The following CRACD variants were observed in gnomAD, a reference collection of about 807,000 sequenced individuals.
CRACD encodes the protein capping protein inhibiting regulator of actin dynamics.
In CRACD, 56 loss-of-function variants were observed where a neutral mutation model predicts 106.8. The ratio of observed to expected loss-of-function variants is 0.52; its 90% CI spans 0.42 to 0.66. The LOEUF is 0.66. Ranked by LOEUF, CRACD falls within the 30% of genes least tolerant of loss-of-function variation. The pLI is 0.00. For synonymous variants in CRACD, 754 were observed against 670.8 expected, an observed-to-expected ratio of 1.12 and a Z score of -1.92; for missense variants, 1,730 against 1,623.2, an observed-to-expected ratio of 1.07 and a Z score of -1.13.
intron 2 of CRACD, among the ~76,000 whole-genome samples, chr4:56,239,001 C>G (rs967768054): frequency 1.6e-4 from 25 of 152,112 alleles, no homozygotes; most frequent in African/African-American, 6.0e-4. Flanking sequence ...AAGATTACAT[C>G]GGCACTTCAG....
At chr4:56,125,459 C>T (rs1198799705) in intron 1 of CRACD, among the ~76,000 whole-genome samples, 3 of 151,980 alleles carry the variant, frequency 2.0e-5, no homozygotes, top group African/African-American at 7.3e-5. Flanking sequence ...ACCCAGGCTG[C>T]AATGGTGCAG....
chr4:56,280,649 G>A (rs1476088932), intron 3 of CRACD, among the ~76,000 whole-genome samples: 1 of 151,398 alleles, frequency 6.6e-6, no homozygotes, highest in Non-Finnish European at 1.5e-5. Context: ...TGAATGCATT[G>A]ATTACTGCTC....
chr4:56,264,254 A>G (rs1168081573), intron 2 of CRACD, among the ~76,000 whole-genome samples: 1 of 152,170 alleles, frequency 6.6e-6, no homozygotes, highest in African/African-American at 2.4e-5. Context: ...ACAATTCAAC[A>G]TGAGATTTGA....
chr4:56,268,735 C>A (rs532442698), intron 2 of CRACD, among the ~76,000 whole-genome samples: 44 of 152,284 alleles, frequency 2.9e-4, no homozygotes, highest in African/African-American at 1.1e-3. Context: ...ATAATGATAC[C>A]TGTGGTGCCT....
chr4:56,228,306 T>C (rs761704576), intron 2 of CRACD, among the ~76,000 whole-genome samples: 2 of 152,194 alleles, frequency 1.3e-5, no homozygotes, highest in Non-Finnish European at 2.9e-5. Flanking sequence ...TTTGGTCTTC[T>C]AACAGAAACA....
intron 4 of CRACD, among the ~76,000 whole-genome samples, chr4:56,301,872 C>A (rs1396793814): frequency 6.6e-6 from 1 of 151,688 alleles, no homozygotes; most frequent in Non-Finnish European, 1.5e-5. Context: ...CATTTTTTTT[C>A]TAAAGATAAA....
intron 1 of CRACD, among the ~76,000 whole-genome samples, chr4:56,056,668 G>T (rs754503506): frequency 6.6e-6 from 1 of 152,052 alleles, no homozygotes; most frequent in Non-Finnish European, 1.5e-5. Context: ...GGTGGCACAT[G>T]TCTGTGGTCC....
intron 2 of CRACD, among the ~76,000 whole-genome samples, chr4:56,237,721 TACACACACACACAC>T (rs36207795): frequency 8.3e-4 from 120 of 144,414 alleles, no homozygotes; most frequent in African/African-American, 1.3e-3. Flanking sequence ...AGATATTACA[TACACACACACACAC>T]ACACACACAC....
chr4:56,197,401 A>G (rs1040694126), intron 2 of CRACD, among the ~76,000 whole-genome samples: 3 of 152,204 alleles, frequency 2.0e-5, no homozygotes, highest in Non-Finnish European at 4.4e-5. Context: ...TAGCTTATTT[A>G]GATGTTACAC....
intron 10 of CRACD, 57 bp from the exon 11 acceptor site, chr4:56,327,587 A>G (rs1746532251): frequency 6.6e-7 from 1 of 1,505,264 alleles, no homozygotes; most frequent in African/African-American, 1.4e-5. Context: ...ATTAAAAAGA[A>G]AATTTGTAGT....
intron 3 of CRACD, among the ~76,000 whole-genome samples, chr4:56,297,127 G>C (rs535650743): frequency 6.6e-6 from 1 of 152,004 alleles, no homozygotes; most frequent in South Asian, 2.1e-4. Flanking sequence ...ATTTTTAGTA[G>C]AGACGGGGTT....
intron 5 of CRACD, among the ~76,000 whole-genome samples, chr4:56,308,297 TCCAGCACCATCC>T (rs1744887047): frequency 9.2e-5 from 1 of 10,878 alleles, no homozygotes; most frequent in Non-Finnish European, 4.5e-4. Flanking sequence ...AAAGTCACAT[TCCAGCACCATCC>T]TGTCTAAATT....
At chr4:56,215,022 A>G (rs943272571) in intron 2 of CRACD, among the ~76,000 whole-genome samples, 1 of 138,544 alleles carries the variant, frequency 7.2e-6, no homozygotes, top group Non-Finnish European at 1.6e-5. Flanking sequence ...CAAACAAACA[A>G]AAAAAGAGAC....
intron 8 of CRACD, chr4:56,321,192 A>C (rs1560542463): frequency 1.1e-5 from 3 of 274,836 alleles, no homozygotes; most frequent in Non-Finnish European, 2.2e-5. Context: ...AAACGGTTTT[A>C]TTCTTCTTCT....
chr4:56,132,260 G>A (rs565838905), intron 1 of CRACD, among the ~76,000 whole-genome samples: 9 of 152,114 alleles, frequency 5.9e-5, no homozygotes, highest in Admixed American at 2.6e-4. Flanking sequence ...AGCTGGTCTC[G>A]AACTTCTGGG....
chr4:56,142,424 C>T (rs1035932541), intron 1 of CRACD, among the ~76,000 whole-genome samples: 5 of 152,010 alleles, frequency 3.3e-5, no homozygotes, highest in Non-Finnish European at 5.9e-5. Context: ...TTGTACTGTC[C>T]GCCTTGTCAG....
chr4:56,132,282 C>T (rs12506987), intron 1 of CRACD, among the ~76,000 whole-genome samples: 40,928 of 151,898 alleles, frequency 0.27, 5,753 homozygotes, highest in East Asian at 0.45. Context: ...TCAAGCGACC[C>T]GCCCACCTTG....
chr4:56,320,056 C>G lies in CRACD; in HGVS notation c.3188-3321C>G, dbSNP rs192112991. ...GGTGTGGTGGTGGGCACCTGTAATC[C>G]CAGCTACTCAGAGGCTGAGGCAGGA... On this transcript the variant is annotated intron_variant, in intron 8 of 10. Transcript: ENST00000682029. Among the ~76,000 whole-genome samples, 72 of 151,932 alleles carry G rather than the reference C, an allele frequency of 4.7e-4. 1 individual carries two copies. Among genetic ancestry groups the G allele is most frequent in the Admixed American group, 4.1e-3 (62 of 15,256 alleles).
intron 2 of CRACD, among the ~76,000 whole-genome samples, chr4:56,209,862 AG>A (rs1270262189): frequency 6.6e-6 from 1 of 152,142 alleles, no homozygotes; most frequent in Non-Finnish European, 1.5e-5. Context: ...CCTGACTCAC[AG>A]GTAGTCACGC....
Sources: allele counts gnomAD v4.1 joint callset (sites outside exome capture counted in the v4.1 genomes callset), GRCh38; gene constraint gnomAD v4.1.1; transcripts MANE v1.5; gene names NCBI Gene and HGNC (gene_info 2026-07-23, HGNC 2026-07-21).